The following THEMIS variants were observed in gnomAD, a reference collection of about 807,000 sequenced individuals.
The protein encoded by THEMIS is protein THEMIS.
In THEMIS, 37 loss-of-function variants were observed where a neutral mutation model predicts 52.6. The observed-to-expected ratio is 0.70, with a 90% CI of 0.54 to 0.93. The LOEUF is 0.93. Among genes scored for constraint, THEMIS ranks in the 40% least tolerant of loss-of-function variants. THEMIS has a pLI of 0.00. For synonymous variants in THEMIS, 292 were observed against 272.7 expected (o/e 1.07, Z -0.70); for missense variants, 808 against 763.1 (o/e 1.06, Z -0.69).
intron 4 of THEMIS, among the ~76,000 whole-genome samples, chr6:127,752,936 C>T (rs532938654): frequency 1.1e-4 from 16 of 151,802 alleles, no homozygotes; most frequent in East Asian, 7.7e-4. Flanking sequence ...ATTAGCAAAC[C>T]GAATTCAATA....
At chr6:127,896,425 A>T (rs1002206724) in intron 1 of THEMIS, among the ~76,000 whole-genome samples, 1 of 151,552 alleles carries the variant, frequency 6.6e-6, no homozygotes, top group African/African-American at 2.4e-5. Context: ...CTAAGAATAA[A>T]TCTGAAAAAA....
At chr6:127,826,382 A>G (rs184467269) in intron 3 of THEMIS, among the ~76,000 whole-genome samples, 4 of 152,316 alleles carry the variant, frequency 2.6e-5, no homozygotes, top group Admixed American at 2.6e-4. Context: ...CTATTCATGT[A>G]TCACTGATTA....
intron 4 of THEMIS, among the ~76,000 whole-genome samples, chr6:127,725,790 C>G: frequency 6.6e-6 from 1 of 152,106 alleles, no homozygotes; most frequent in East Asian, 1.9e-4. Context: ...TTGTTCAGCC[C>G]TATCCCAAAG....
intron 4 of THEMIS, among the ~76,000 whole-genome samples, chr6:127,774,464 C>A (rs1231880824): frequency 6.6e-6 from 1 of 152,216 alleles, no homozygotes; most frequent in Non-Finnish European, 1.5e-5. Context: ...CTCGGCCTCC[C>A]AAAGTGCTGG....
intron 2 of THEMIS, among the ~76,000 whole-genome samples, chr6:127,838,733 G>T (rs1778950286): frequency 6.6e-6 from 1 of 151,882 alleles, no homozygotes; most frequent in Non-Finnish European, 1.5e-5. Flanking sequence ...AACTATACTA[G>T]AACAATTTAC....
rs1365083632 is a variant in THEMIS at position 127,799,934 on chromosome 6, C to T, written c.1758+12949G>A. On this transcript the variant is annotated intron_variant, in intron 4 of 5. Transcript: ENST00000368248. The stretch of plus-strand genomic sequence containing the variant: ...ACCAATTTAGTCATAATGATGTTCA[C>T]AATTTTTATTAGGGGAAAAAAGCAT... Among the ~76,000 whole-genome samples the T allele has an allele frequency of 3.9e-5, 6 of 152,102 alleles. No homozygotes were observed. In the East Asian group the frequency reaches 9.6e-4, roughly 24 times the overall value.
intron 1 of THEMIS, among the ~76,000 whole-genome samples, chr6:127,892,048 C>T (rs930883178): frequency 2.0e-5 from 3 of 152,132 alleles, no homozygotes; most frequent in Non-Finnish European, 4.4e-5. Context: ...TTCAGAGTGG[C>T]CTTCCCTGAC....
At chr6:127,736,719 A>G (rs1775018501) in intron 4 of THEMIS, among the ~76,000 whole-genome samples, 1 of 152,056 alleles carries the variant, frequency 6.6e-6, no homozygotes, top group Admixed American at 6.6e-5. Context: ...ATTATTTGCC[A>G]TTTAATTAAT....
intron 1 of THEMIS, among the ~76,000 whole-genome samples, chr6:127,888,278 T>C (rs1358596717): frequency 6.6e-6 from 1 of 151,518 alleles, no homozygotes; most frequent in African/African-American, 2.4e-5. Flanking sequence ...AAATGGAGGG[T>C]TTTTAACAGA....
In THEMIS at chr6:127,708,500, G is replaced by A. The variant is rs1466443498; in HGVS notation, c.*1485C>T. 2.0e-5 allele frequency: 3 copies of A among 151,934 alleles called. No homozygotes were observed. Among genetic ancestry groups the A allele is most frequent in the African/African-American group, 7.3e-5 (3 of 41,378 alleles). 9.4% of individuals were successfully genotyped at this position (151,934 alleles called of 1,614,324 possible). A position where few individuals can be genotyped will look rare whatever the true frequency, so the allele number is the denominator to read the frequency against. ...TTGTTTGAAAAATAACAAATTATATGAGTCTAAAAACACCTATGGTGCAGT... is the reference window on the plus strand; with the variant it reads ...TTGTTTGAAAAATAACAAATTATATAAGTCTAAAAACACCTATGGTGCAGT... On this transcript the variant is annotated 3_prime_UTR_variant, in exon 6 of 6. Coordinates refer to ENST00000368248, the MANE Select transcript of THEMIS (RefSeq NM_001010923.3).
chr6:127,769,259 A>G (rs1412847673), intron 4 of THEMIS, among the ~76,000 whole-genome samples: 2 of 152,106 alleles, frequency 1.3e-5, no homozygotes, highest in African/African-American at 4.8e-5. Context: ...GGTTTTCTTC[A>G]CATTGTTCTA....
chr6:127,764,336 T>A (rs992431182), intron 4 of THEMIS, among the ~76,000 whole-genome samples: 4 of 151,952 alleles, frequency 2.6e-5, no homozygotes, highest in African/African-American at 9.7e-5. Context: ...ATTTTTTTTT[T>A]ACTATAGTAA....
chr6:127,697,476 A>G, the THEMIS span, among the ~76,000 whole-genome samples: 1 of 152,164 alleles, frequency 6.6e-6, no homozygotes, highest in Non-Finnish European at 1.5e-5. Flanking sequence ...ATAAGAAACC[A>G]TCAGTTTCTC....
intron 2 of THEMIS, among the ~76,000 whole-genome samples, chr6:127,848,829 T>C (rs886784648): frequency 2.6e-5 from 4 of 152,292 alleles, no homozygotes; most frequent in African/African-American, 9.6e-5. Flanking sequence ...ATATTAGCCC[T>C]TTGTCAGATG....
intron 2 of THEMIS, among the ~76,000 whole-genome samples, chr6:127,848,017 A>G (rs955981696): frequency 5.3e-5 from 8 of 150,874 alleles, no homozygotes; most frequent in Non-Finnish European, 1.2e-4. Context: ...TGCTGCACCC[A>G]TTAACTCGTC....
upstream of THEMIS, among the ~76,000 whole-genome samples, chr6:127,902,339 A>AAAT (rs1554248919): frequency 3.9e-4 from 57 of 147,234 alleles, no homozygotes; most frequent in Non-Finnish European, 7.1e-4. Context: ...AAAAAAAAAA[A>AAAT]AAAAAATAAA....
At chr6:127,824,287 G>A (rs1023510507) in intron 3 of THEMIS, among the ~76,000 whole-genome samples, 14 of 152,088 alleles carry the variant, frequency 9.2e-5, no homozygotes, top group Non-Finnish European at 2.1e-4. Flanking sequence ...CTGTAAGTGG[G>A]AGTGGTGAGA....
rs1374677514 is a variant in THEMIS at position 127,719,738 on chromosome 6, A to G, written c.1844T>C (p.Leu615Ser). The G allele has an allele frequency of 3.7e-6, 6 of 1,612,434 alleles. No homozygotes were observed. The highest frequency in any genetic ancestry group is 5.1e-6 in the Non-Finnish European group (6 of 1,179,018). Reference sequence around the variant, plus strand: ...GCTCCTTTCTTTCTCTTCATCCACCAAATCATTCTGACTACCAATCAGTAC... The same window carrying G: ...GCTCCTTTCTTTCTCTTCATCCACCGAATCATTCTGACTACCAATCAGTAC... ...SKVLIGSQND[L>S]VDEEKERSNR... Residue 615 changes from leucine to serine, a missense_variant, in exon 5 of 6, where the codon TTG becomes TCG. By Grantham distance (145) the Leu-to-Ser change is moderately radical. Transcript: ENST00000368248.
At chr6:127,712,359 G>A (rs1319343194) in intron 5 of THEMIS, among the ~76,000 whole-genome samples, 2 of 151,874 alleles carry the variant, frequency 1.3e-5, no homozygotes, top group Non-Finnish European at 2.9e-5. Flanking sequence ...TGCTCTGGTG[G>A]CAAGCTCTAG....
Sources: allele counts gnomAD v4.1 joint callset (sites outside exome capture counted in the v4.1 genomes callset), GRCh38; gene constraint gnomAD v4.1.1; transcripts MANE v1.5; gene names NCBI Gene and HGNC (gene_info 2026-07-23, HGNC 2026-07-21).